Variants in DYM observed in about 807,000 individuals in gnomAD.
DYM encodes dyggve-Melchior-Clausen syndrome protein.
Under a neutral mutation model 93.1 loss-of-function variants are expected in DYM, and 78 were observed. The ratio of observed to expected loss-of-function variants is 0.84; its 90% CI spans 0.70 to 1.01. The LOEUF is 1.01. Among genes scored for constraint, DYM ranks in the 50% least tolerant of loss-of-function variants. The pLI, the probability that DYM is intolerant of heterozygous loss-of-function variation, is 0.00. For missense variants in DYM, 789 were observed against 845.0 expected (o/e 0.93, Z 0.82); for synonymous variants, 321 against 319.7 (o/e 1.00, Z -0.04).
At chr18:49,075,630 A>C (rs2077238814) in intron 17 of DYM, among the ~76,000 whole-genome samples, 2 of 152,306 alleles carry the variant, frequency 1.3e-5, no homozygotes, top group South Asian at 4.1e-4. Context: ...CTATAGACAC[A>C]TAGTCCCATC....
intron 13 of DYM, among the ~76,000 whole-genome samples, chr18:49,250,963 G>A (rs941649768): frequency 4.6e-5 from 7 of 152,322 alleles, no homozygotes; most frequent in South Asian, 2.1e-4. Flanking sequence ...GCCATTCTGC[G>A]TTGGGTAATG....
intron 6 of DYM, among the ~76,000 whole-genome samples, chr18:49,340,563 G>A (rs1359390589): frequency 6.6e-6 from 1 of 152,208 alleles, no homozygotes. Context: ...AGGCCTTACA[G>A]GAGCTGATGA....
chr18:49,088,550 T>TAA (rs200912955), intron 17 of DYM, among the ~76,000 whole-genome samples: 1,307 of 106,898 alleles, frequency 0.012, 23 homozygotes, highest in African/African-American at 0.043. Flanking sequence ...CCCTAGAACT[T>TAA]AAAAAAAAAA....
intron 5 of DYM, among the ~76,000 whole-genome samples, chr18:49,371,004 G>A (rs900541210): frequency 6.6e-6 from 1 of 152,170 alleles, no homozygotes; most frequent in Non-Finnish European, 1.5e-5. Context: ...CAAACGCTAA[G>A]ATAGGTAACC....
At chr18:49,441,029 A>T in intron 1 of DYM, among the ~76,000 whole-genome samples, 2 of 8,154 alleles carry the variant, frequency 2.5e-4, no homozygotes, top group African/African-American at 6.2e-4. Flanking sequence ...ATATATTTAT[A>T]TATAATATAT....
At chr18:49,141,494 A>G (rs1051166425) in intron 15 of DYM, among the ~76,000 whole-genome samples, 4 of 152,104 alleles carry the variant, frequency 2.6e-5, no homozygotes, top group African/African-American at 9.7e-5. Context: ...ACTCCAAACT[A>G]TACTGGCCTG....
chr18:49,296,140 G>C (rs113365081), intron 8 of DYM, among the ~76,000 whole-genome samples: 1,616 of 152,236 alleles, frequency 0.011, 29 homozygotes, highest in African/African-American at 0.037. Flanking sequence ...TGGTGGCCAG[G>C]ATGGTCTCAA....
In DYM at chr18:49,163,668, A is replaced by G. The variant is rs763616012; in HGVS notation, c.1728+17T>C. Reference sequence around the variant, plus strand: ...TGAAAGGAAAATTTTTTATTGATGAATAAGGTAACTACTTACATAATCTGG... The same window carrying G: ...TGAAAGGAAAATTTTTTATTGATGAGTAAGGTAACTACTTACATAATCTGG... On this transcript the variant is annotated intron_variant, in intron 15 of 17. Coordinates refer to ENST00000675505, the MANE Select transcript of DYM (RefSeq NM_001353214.3). 1 of 1,573,366 alleles carries G rather than the reference A, an allele frequency of 6.4e-7. No individual in the cohort carries two copies. Among genetic ancestry groups the G allele is most frequent in the Non-Finnish European group, 8.7e-7 (1 of 1,146,308 alleles).
intron 6 of DYM, among the ~76,000 whole-genome samples, chr18:49,338,617 A>T (rs888804813): frequency 6.6e-6 from 1 of 152,224 alleles, no homozygotes; most frequent in Non-Finnish European, 1.5e-5. Flanking sequence ...GTATATATGG[A>T]AATAATATAC....
intron 17 of DYM, among the ~76,000 whole-genome samples, chr18:49,081,431 C>T (rs376554673): frequency 5.9e-5 from 9 of 151,466 alleles, no homozygotes; most frequent in Non-Finnish European, 1.2e-4. Context: ...GCAGGGAGGT[C>T]GCCGTGAGCC....
chr18:49,379,829 T>A (rs2147704317), intron 3 of DYM, 71 bp from the exon 4 acceptor site: 1 of 1,245,560 alleles, frequency 8.0e-7, no homozygotes, highest in South Asian at 1.2e-5. Context: ...ATCATAACAT[T>A]TATAAAACCA....
chr18:49,248,198 C>T (rs1262806978), intron 13 of DYM, among the ~76,000 whole-genome samples: 1 of 152,198 alleles, frequency 6.6e-6, no homozygotes, highest in Non-Finnish European at 1.5e-5. Flanking sequence ...TTATTAAAAA[C>T]TTCTATCTAT....
chr18:49,347,015 A>G (rs971578660), intron 6 of DYM, among the ~76,000 whole-genome samples: 4 of 152,226 alleles, frequency 2.6e-5, no homozygotes, highest in African/African-American at 9.6e-5. Context: ...AGCCTACTTT[A>G]TAATAAAGTG....
intron 15 of DYM, among the ~76,000 whole-genome samples, chr18:49,132,648 G>C (rs1168826525): frequency 6.6e-6 from 1 of 152,000 alleles, no homozygotes; most frequent in Non-Finnish European, 1.5e-5. Flanking sequence ...AATTGGTAAA[G>C]TTAGTTGAAA....
At chr18:49,290,957 C>T (rs925595335) in intron 8 of DYM, among the ~76,000 whole-genome samples, 13 of 152,082 alleles carry the variant, frequency 8.5e-5, no homozygotes, top group Admixed American at 8.5e-4. Context: ...AAATGTGATG[C>T]AAATACTTTG....
At chr18:49,235,227 T>G (rs1297003316) in intron 13 of DYM, among the ~76,000 whole-genome samples, 1 of 152,228 alleles carries the variant, frequency 6.6e-6, no homozygotes, top group Non-Finnish European at 1.5e-5. Context: ...ATACAGACTT[T>G]CTGGAGCAGA....
chr18:49,176,872 C>T (rs567647594), intron 14 of DYM, among the ~76,000 whole-genome samples: 6 of 152,032 alleles, frequency 3.9e-5, no homozygotes, highest in South Asian at 2.1e-4. Context: ...AACTAAACTA[C>T]GATGAAAGTC....
chr18:49,456,110 T>C (rs906602252), intron 1 of DYM, among the ~76,000 whole-genome samples: 1 of 152,198 alleles, frequency 6.6e-6, no homozygotes, highest in Non-Finnish European at 1.5e-5. Context: ...TCCTCCATCC[T>C]GCTGTTAGGA....
At chr18:49,293,937 TTA>T (rs974855569) in intron 8 of DYM, among the ~76,000 whole-genome samples, 5 of 152,220 alleles carry the variant, frequency 3.3e-5, no homozygotes, top group Admixed American at 6.5e-5. Context: ...TCTAGGGTTT[TTA>T]TGATTTTAGG....
Sources: allele counts gnomAD v4.1 joint callset (sites outside exome capture counted in the v4.1 genomes callset), GRCh38; gene constraint gnomAD v4.1.1; transcripts MANE v1.5; gene names NCBI Gene and HGNC (gene_info 2026-07-23, HGNC 2026-07-21).